The following ADARB2 variants were observed in gnomAD, a reference collection of about 807,000 sequenced individuals.
ADARB2 encodes the protein inactive double-stranded RNA-specific editase B2.
A neutral mutation model predicts 62.2 loss-of-function variants in ADARB2; 25 were observed. That is an observed-to-expected ratio of 0.40 (90% confidence interval 0.29 to 0.56). The LOEUF is 0.56. Ranked by LOEUF, ADARB2 falls within the 20% of genes least tolerant of loss-of-function variation. The pLI, the probability that ADARB2 is intolerant of heterozygous loss-of-function variation, is 0.43. For missense variants in ADARB2, 1,071 were observed against 1,077.4 expected, an observed-to-expected ratio of 0.99 and a Z score of 0.08; for synonymous variants, 572 against 500.8, an observed-to-expected ratio of 1.14 and a Z score of -1.90.
intron 3 of ADARB2, among the ~76,000 whole-genome samples, chr10:1,275,170 G>A (rs1039143451): frequency 6.6e-6 from 1 of 152,246 alleles, no homozygotes; most frequent in Admixed American, 6.5e-5. Context: ...ACAGATGAAG[G>A]CCTCCTTGAC....
At chr10:1,276,779 C>G (rs948792616) in intron 3 of ADARB2, among the ~76,000 whole-genome samples, 2 of 152,150 alleles carry the variant, frequency 1.3e-5, no homozygotes, top group Non-Finnish European at 2.9e-5. Context: ...ACAGAACTCT[C>G]CACCCCAAAT....
intron 1 of ADARB2, among the ~76,000 whole-genome samples, chr10:1,540,508 C>T (rs1179104799): frequency 2.1e-5 from 3 of 144,208 alleles, no homozygotes; most frequent in Non-Finnish European, 3.0e-5. Flanking sequence ...GGATCACAGC[C>T]GCCCAGACCC....
intron 1 of ADARB2, among the ~76,000 whole-genome samples, chr10:1,618,477 A>C (rs1219268659): frequency 6.6e-6 from 1 of 152,236 alleles, no homozygotes; most frequent in Non-Finnish European, 1.5e-5. Context: ...ACTTCATAAT[A>C]ATTTGCAAAA....
chr10:1,635,567 T>C (rs1354172864), intron 1 of ADARB2, among the ~76,000 whole-genome samples: 2 of 152,156 alleles, frequency 1.3e-5, no homozygotes, highest in Admixed American at 6.6e-5. Context: ...GCTTTGTGGG[T>C]GATTGCCCCG....
At chr10:1,702,345 C>T (rs764667514) in intron 1 of ADARB2, among the ~76,000 whole-genome samples, 4 of 152,146 alleles carry the variant, frequency 2.6e-5, no homozygotes, top group Non-Finnish European at 4.4e-5. Context: ...ATGCAGTCAC[C>T]ATGTTTTAGA....
At chr10:1,581,219 A>G (rs1833092825) in intron 1 of ADARB2, among the ~76,000 whole-genome samples, 1 of 152,256 alleles carries the variant, frequency 6.6e-6, no homozygotes, top group Non-Finnish European at 1.5e-5. Context: ...ACGATGTTCA[A>G]GGTGCGGGGA....
At chr10:1,701,379 G>A (rs868855926) in intron 1 of ADARB2, among the ~76,000 whole-genome samples, 2 of 1,442 alleles carry the variant, frequency 1.4e-3, no homozygotes, top group African/African-American at 5.2e-3. Context: ...GAGACCAGGC[G>A]CTAGTCAATA....
intron 1 of ADARB2, among the ~76,000 whole-genome samples, chr10:1,732,469 C>A (rs893505851): frequency 6.6e-6 from 1 of 152,108 alleles, no homozygotes; most frequent in East Asian, 1.9e-4. Flanking sequence ...TATCTAATGC[C>A]CTTGAAGCAA....
intron 1 of ADARB2, among the ~76,000 whole-genome samples, chr10:1,665,528 C>T (rs1337146861): frequency 1.3e-5 from 2 of 152,258 alleles, no homozygotes; most frequent in East Asian, 1.9e-4. Context: ...TCCCCAGGCA[C>T]CCCACCCAGG....
chr10:1,494,118 A>G (rs1276525772), intron 1 of ADARB2, among the ~76,000 whole-genome samples: 9 of 152,132 alleles, frequency 5.9e-5, no homozygotes, highest in Non-Finnish European at 5.9e-5. Context: ...ATCCATTTGC[A>G]TGGTTTCTTA....
intron 1 of ADARB2, among the ~76,000 whole-genome samples, chr10:1,510,169 T>TTTCTTTC (rs1554767635): frequency 1.1e-5 from 1 of 88,632 alleles, no homozygotes; most frequent in Non-Finnish European, 2.5e-5. Flanking sequence ...TCTTTCTTTC[T>TTTCTTTC]TTTTCTTTCT....
At chr10:1,524,977 T>C (rs148161830) in intron 1 of ADARB2, among the ~76,000 whole-genome samples, 2,067 of 152,320 alleles carry the variant, frequency 0.014, 25 homozygotes, top group Middle Eastern at 0.027. Context: ...CTATGTCTTT[T>C]TACCTTTCCA....
chr10:1,290,161 G>C (rs1831452104), intron 3 of ADARB2: 1 of 152,276 alleles, frequency 6.6e-6, no homozygotes, highest in Non-Finnish European at 1.5e-5. Context: ...GTCTCTCTTG[G>C]TGCCTGAGGC....
At chr10:1,243,838 GC>G (rs965117687) in intron 4 of ADARB2, among the ~76,000 whole-genome samples, 4 of 152,222 alleles carry the variant, frequency 2.6e-5, no homozygotes, top group African/African-American at 9.6e-5. Context: ...TCTCCCAGCA[GC>G]CCCCGTTTCT....
intron 1 of ADARB2, among the ~76,000 whole-genome samples, chr10:1,396,900 T>C (rs372425142): frequency 0.21 from 3,135 of 14,582 alleles, 219 homozygotes; most frequent in Non-Finnish European, 0.26. Flanking sequence ...TCACCGTCCG[T>C]CTCTCCCCTC....
At chr10:1,454,135 A>G (rs1831070349) in intron 1 of ADARB2, among the ~76,000 whole-genome samples, 1 of 152,216 alleles carries the variant, frequency 6.6e-6, no homozygotes, top group South Asian at 2.1e-4. Context: ...CACATCTTAC[A>G]TGGCGGCAGG....
intron 1 of ADARB2, among the ~76,000 whole-genome samples, chr10:1,422,433 T>A (rs1832859753): frequency 6.6e-6 from 1 of 152,092 alleles, no homozygotes; most frequent in South Asian, 2.1e-4. Context: ...GGGCTGCAGG[T>A]GAGGGCACAG....
intron 1 of ADARB2, among the ~76,000 whole-genome samples, chr10:1,389,941 T>G (rs2892335): frequency 0.39 from 58,645 of 151,866 alleles, 11,935 homozygotes; most frequent in Middle Eastern, 0.47. Flanking sequence ...CCACCTCCAC[T>G]TCTAGATATT....
intron 1 of ADARB2, among the ~76,000 whole-genome samples, chr10:1,579,513 A>G (rs933928592): frequency 6.6e-6 from 1 of 152,226 alleles, no homozygotes; most frequent in African/African-American, 2.4e-5. Context: ...CAGGCGCTCA[A>G]TGAAAGCGAT....
Sources: allele counts gnomAD v4.1 joint callset (sites outside exome capture counted in the v4.1 genomes callset), GRCh38; gene constraint gnomAD v4.1.1; transcripts MANE v1.5; gene names NCBI Gene and HGNC (gene_info 2026-07-23, HGNC 2026-07-21).